PTH2R: variants seen among roughly 807,000 people sequenced by gnomAD.
PTH2R encodes the protein PTH2 receptor.
A neutral mutation model predicts 60.3 loss-of-function variants in PTH2R; 59 were observed. The ratio of observed to expected loss-of-function variants is 0.98; its 90% CI spans 0.79 to 1.22. PTH2R has a LOEUF of 1.22. Among genes scored for constraint, PTH2R ranks in the 50% most tolerant of loss-of-function variants. PTH2R has a pLI of 0.00. For missense variants in PTH2R, 749 were observed against 682.6 expected, an observed-to-expected ratio of 1.10 and a Z score of -1.08; for synonymous variants, 256 against 243.8, an observed-to-expected ratio of 1.05 and a Z score of -0.47.
chr2:208,365,485 T>C (rs999291677), intron 1 of PTH2R, among the ~76,000 whole-genome samples: 2 of 152,212 alleles, frequency 1.3e-5, no homozygotes, highest in African/African-American at 4.8e-5. Flanking sequence ...GTGTACTACA[T>C]TGATTTTCAT....
chr2:208,397,627 A>G (rs987109186), intron 1 of PTH2R, among the ~76,000 whole-genome samples: 2 of 152,314 alleles, frequency 1.3e-5, no homozygotes, highest in Admixed American at 6.5e-5. Flanking sequence ...AAAAACAGCC[A>G]TTTATATGAG....
chr2:208,423,841 T>A (rs1701803393), intron 1 of PTH2R, among the ~76,000 whole-genome samples: 1 of 152,216 alleles, frequency 6.6e-6, no homozygotes. Flanking sequence ...TATGATATAA[T>A]GTCCCTCTTT....
chr2:208,363,143 A>G lies in PTH2R; in HGVS notation c.-259+2906A>G, dbSNP rs368270045. On this transcript the variant is annotated intron_variant, in intron 1 of 12. Coordinates refer to the PTH2R transcript ENST00000617735. ...GGTCGCCTAGGTAAATGAGCATAGT[A>G]CCTGATAGGTAGTTTTTTGACCCTC... is the stretch of plus-strand genomic sequence containing the variant. Among the ~76,000 whole-genome samples, 6 of 152,048 alleles carry G rather than the reference A, an allele frequency of 3.9e-5. No homozygotes were observed. The East Asian group carries it at 7.7e-4, about 20-fold the overall frequency.
chr2:208,480,380 C>T (rs1703118938), intron 9 of PTH2R, among the ~76,000 whole-genome samples: 1 of 152,264 alleles, frequency 6.6e-6, no homozygotes, highest in African/African-American at 2.4e-5. Context: ...CCCCTTATGA[C>T]CCCAGACCTG....
chr2:208,478,453 A>G (rs547257312), intron 9 of PTH2R, among the ~76,000 whole-genome samples: 11 of 152,210 alleles, frequency 7.2e-5, no homozygotes, highest in African/African-American at 2.6e-4. Flanking sequence ...CCAAAAGTGT[A>G]GCGATTTCCA....
At chr2:208,366,854 A>G (rs932079871) in intron 1 of PTH2R, among the ~76,000 whole-genome samples, 5 of 152,218 alleles carry the variant, frequency 3.3e-5, no homozygotes, top group Non-Finnish European at 7.3e-5. Flanking sequence ...CACTTGTGCC[A>G]TTTACCAAGT....
At chr2:208,466,622 C>G (rs917348577) in intron 9 of PTH2R, 1 of 152,164 alleles carries the variant, frequency 6.6e-6, no homozygotes, top group African/African-American at 2.4e-5. Flanking sequence ...GACCTCCTAA[C>G]TCATTCCACT....
chr2:208,418,139 A>C (rs1180933628), intron 1 of PTH2R, among the ~76,000 whole-genome samples: 1 of 152,194 alleles, frequency 6.6e-6, no homozygotes, highest in Non-Finnish European at 1.5e-5. Context: ...ATATCCTATT[A>C]GTAATAGCTA....
intron 1 of PTH2R, among the ~76,000 whole-genome samples, chr2:208,395,794 G>T (rs1701197793): frequency 1.3e-5 from 2 of 152,068 alleles, no homozygotes. Flanking sequence ...TTTCTTCACA[G>T]AACTGGAAAA....
At chr2:208,417,649 A>G (rs1325751514) in intron 1 of PTH2R, among the ~76,000 whole-genome samples, 1 of 150,914 alleles carries the variant, frequency 6.6e-6, no homozygotes, top group Admixed American at 6.6e-5. Flanking sequence ...TCCCGGATTA[A>G]AGCGATTCTC....
intron 1 of PTH2R, among the ~76,000 whole-genome samples, chr2:208,407,616 A>C (rs1026295594): frequency 6.6e-6 from 1 of 152,252 alleles, no homozygotes; most frequent in Non-Finnish European, 1.5e-5. Flanking sequence ...ACAGAATAAA[A>C]ATACCAAAAT....
At chr2:208,458,614 A>G (rs1360364056) in intron 8 of PTH2R, among the ~76,000 whole-genome samples, 1 of 152,012 alleles carries the variant, frequency 6.6e-6, no homozygotes, top group Non-Finnish European at 1.5e-5. Flanking sequence ...TCCCCCCTCA[A>G]GTACACCCCA....
chr2:208,418,363 A>ATT (rs61195514), intron 1 of PTH2R, among the ~76,000 whole-genome samples: 4 of 148,664 alleles, frequency 2.7e-5, no homozygotes, highest in Admixed American at 6.7e-5. Flanking sequence ...TTTGCACTCA[A>ATT]TTTTTTTTTT....
upstream of PTH2R, chr2:208,406,742 G>A (rs569345342): frequency 1.3e-4 from 35 of 278,138 alleles, no homozygotes; most frequent in African/African-American, 7.2e-4. Context: ...GCCTGGGGCG[G>A]GAGCCGCCCC....
intron 1 of PTH2R, among the ~76,000 whole-genome samples, chr2:208,395,975 G>A (rs1466070528): frequency 1.3e-5 from 2 of 152,124 alleles, no homozygotes; most frequent in African/African-American, 2.4e-5. Flanking sequence ...ATAGACCAGT[G>A]GAACAGAACA....
intron 1 of PTH2R, among the ~76,000 whole-genome samples, chr2:208,385,104 T>C (rs557266726): frequency 2.0e-5 from 3 of 152,012 alleles, no homozygotes; most frequent in Non-Finnish European, 2.9e-5. Context: ...GTACTTCTTA[T>C]TCTCCAAGTT....
chr2:208,438,907 C>G (rs1347768241), intron 4 of PTH2R, among the ~76,000 whole-genome samples: 1 of 152,118 alleles, frequency 6.6e-6, no homozygotes, highest in African/African-American at 2.4e-5. Flanking sequence ...TTTCAGTTAT[C>G]TGTTTAATTG....
At chr2:208,401,243 C>T (rs1701302681) in intron 1 of PTH2R, among the ~76,000 whole-genome samples, 2 of 152,140 alleles carry the variant, frequency 1.3e-5, no homozygotes. Context: ...ACCTGAGCCC[C>T]ACTCTCCAAT....
intron 2 of PTH2R, 94 bp downstream of exon 2, chr2:208,428,397 C>A: frequency 1.2e-6 from 1 of 830,520 alleles, no homozygotes; most frequent in East Asian, 2.7e-5. Flanking sequence ...TAGGGAGATC[C>A]TTATCAGTCA....
Sources: allele counts gnomAD v4.1 joint callset (sites outside exome capture counted in the v4.1 genomes callset), GRCh38; gene constraint gnomAD v4.1.1; transcripts MANE v1.5; gene names NCBI Gene and HGNC (gene_info 2026-07-23, HGNC 2026-07-21).